VIRMA: variants seen among roughly 807,000 people sequenced by gnomAD.
VIRMA encodes the protein protein virilizer homolog.
A neutral mutation model predicts 182.4 loss-of-function variants in VIRMA; 65 were observed. The observed-to-expected ratio is 0.36, with a 90% CI of 0.29 to 0.44. VIRMA has a LOEUF of 0.44. Among genes scored for constraint, VIRMA ranks in the 20% least tolerant of loss-of-function variants. The probability of loss-of-function intolerance (pLI) is 1.00; values close to 1 mark genes in which losing one functional copy is unlikely to be tolerated. For missense variants in VIRMA, 1,752 were observed against 2,158.1 expected, an observed-to-expected ratio of 0.81 and a Z score of 3.73; for synonymous variants, 709 against 743.1, an observed-to-expected ratio of 0.95 and a Z score of 0.75.
chr8:94,495,788 TGGTCACTGAGAGGTAAAG>T lies in VIRMA; in HGVS notation c.4469_4486del (p.Pro1490_Asp1495del). ...AGCTGAAAGTACTGGTTCTACATCC[TGGTCACTGAGAGGTAAAG>T]GGTCACCTGATGACTCCAGCATCTG... is the stretch of plus-strand genomic sequence containing the variant. On this transcript the variant is annotated inframe_deletion, in exon 19 of 24. Transcript: ENST00000297591. The T allele has an allele frequency of 6.2e-7, 1 of 1,614,024 alleles. No individual in the cohort carries two copies. Among genetic ancestry groups the T allele is most frequent in the Non-Finnish European group, 8.5e-7 (1 of 1,179,926 alleles).
In VIRMA at chr8:94,499,519, A is replaced by G. The variant is rs1447578389; in HGVS notation, c.4098-13T>C. On this transcript the variant is annotated splice_polypyrimidine_tract_variant and intron_variant, in intron 16 of 23. Coordinates refer to ENST00000297591, the MANE Select transcript of VIRMA (RefSeq NM_015496.5). ...TTTCCTTAAAGAACTGTAAATAAAG[A>G]AAATAAAGAGAAGATATTATCTTAA... The G allele has an allele frequency of 7.0e-7, 1 of 1,426,508 alleles. No individual in the cohort carries two copies. 88.4% of individuals were successfully genotyped at this position (1,426,508 alleles called of 1,614,324 possible).
intron 7 of VIRMA, among the ~76,000 whole-genome samples, chr8:94,528,860 C>T (rs1372047): frequency 0.68 from 102,693 of 152,066 alleles, 35,633 homozygotes; most frequent in East Asian, 0.83. Flanking sequence ...TTTAGGCTGG[C>T]TGGTTAAACA....
At chr8:94,504,271 T>C (rs1369161209) in intron 16 of VIRMA, among the ~76,000 whole-genome samples, 1 of 152,020 alleles carries the variant, frequency 6.6e-6, no homozygotes, top group South Asian at 2.1e-4. Context: ...AGGCCCTTGA[T>C]GATCTTTCTC....
At chr8:94,524,566 A>G (rs1463139458) in intron 8 of VIRMA, among the ~76,000 whole-genome samples, 10 of 151,990 alleles carry the variant, frequency 6.6e-5, no homozygotes, top group Admixed American at 5.9e-4. Context: ...CAGCCTCCCA[A>G]AGTGCTGGGA....
chr8:94,495,669 C>T (rs1813749476), intron 19 of VIRMA, 62 bp downstream of exon 19: 1 of 1,460,150 alleles, frequency 6.8e-7, no homozygotes, highest in Non-Finnish European at 9.4e-7. Context: ...TGCTGGCACC[C>T]CCTAGACTAC....
At chr8:94,500,232 T>C (rs967721705) in intron 16 of VIRMA, among the ~76,000 whole-genome samples, 25 of 151,814 alleles carry the variant, frequency 1.6e-4, no homozygotes, top group Non-Finnish European at 3.4e-4. Context: ...ATCCCGTCTC[T>C]ACTAAAAATA....
intron 7 of VIRMA, 74 bp from the exon 8 acceptor site, chr8:94,527,437 AAT>A (rs1815014286): frequency 1.1e-6 from 1 of 902,938 alleles, no homozygotes; most frequent in African/African-American, 1.7e-5. Flanking sequence ...TTGAACAAGA[AAT>A]AGTTTTAATA....
chr8:94,534,766 C>A, intron 5 of VIRMA, 73 bp downstream of exon 5: 1 of 1,529,304 alleles, frequency 6.5e-7, no homozygotes, highest in Non-Finnish European at 8.9e-7. Context: ...TAAAAGAGTG[C>A]TCTTCGAATT....
intron 2 of VIRMA, 78 bp from the exon 3 acceptor site, chr8:94,538,424 C>T: frequency 1.2e-6 from 1 of 855,176 alleles, no homozygotes; most frequent in East Asian, 2.5e-5. Flanking sequence ...ATAGTAAGTA[C>T]AAAGTTAAGA....
chr8:94,510,262 T>A (rs1814316663), intron 14 of VIRMA, among the ~76,000 whole-genome samples, 155 bp downstream of exon 14: 1 of 152,220 alleles, frequency 6.6e-6, no homozygotes, highest in African/African-American at 2.4e-5. Context: ...CAAGTATTCA[T>A]ATATTCATAT....
intron 1 of VIRMA, among the ~76,000 whole-genome samples, chr8:94,552,834 A>AT (rs1816046812): frequency 6.6e-6 from 1 of 152,200 alleles, no homozygotes; most frequent in Non-Finnish European, 1.5e-5. Flanking sequence ...TCTCATTCCT[A>AT]ATGTGTGAAA....
At chr8:94,536,806 C>G (rs999654605) in intron 4 of VIRMA, among the ~76,000 whole-genome samples, 2 of 152,126 alleles carry the variant, frequency 1.3e-5, no homozygotes, top group South Asian at 2.1e-4. Flanking sequence ...GGTGAAACCC[C>G]GTCCCTACTA....
At position 94,492,776 on chromosome 8, in the gene VIRMA, C is replaced by T. The variant is rs542315418; in HGVS notation, c.4684G>A (p.Asp1562Asn). The part of the protein sequence containing the change: ...LIELSEKCCS[D>N]FDLHSELERS... Reference sequence around the variant, plus strand: ...TCTAATTCTGAGTGCAAATCAAAGTCACTACAGCATTTTTCAGAGAGTTCA... The same window carrying T: ...TCTAATTCTGAGTGCAAATCAAAGTTACTACAGCATTTTTCAGAGAGTTCA... The change falls in exon 21 of 24, where the codon GAC (aspartate) becomes AAC (asparagine). Residue 1562 changes from aspartate to asparagine, a missense_variant. Around this residue, in one of 11 missense-constraint regions of VIRMA, gnomAD observed 777 missense variants for 920.6 expected, o/e 0.84. Coordinates refer to ENST00000297591, the MANE Select transcript of VIRMA (RefSeq NM_015496.5). 163 of 1,613,866 alleles carry T rather than the reference C, an allele frequency of 1.0e-4. No homozygotes were observed. The highest frequency in any genetic ancestry group is 7.9e-4 in the South Asian group (72 of 91,032).
chr8:94,504,547 T>C (rs1474241590), intron 16 of VIRMA, among the ~76,000 whole-genome samples: 1 of 152,144 alleles, frequency 6.6e-6, no homozygotes, highest in Non-Finnish European at 1.5e-5. Context: ...AGGAAACCAT[T>C]AGAAGGATTT....
chr8:94,542,036 T>C (rs1184470978), intron 2 of VIRMA, among the ~76,000 whole-genome samples: 3 of 152,176 alleles, frequency 2.0e-5, no homozygotes, highest in African/African-American at 7.2e-5. Context: ...CAATGGCAGC[T>C]AATTGCCGAA....
At chr8:94,536,705 C>T (rs374029001) in intron 4 of VIRMA, among the ~76,000 whole-genome samples, 4 of 152,100 alleles carry the variant, frequency 2.6e-5, no homozygotes, top group Admixed American at 1.3e-4. Flanking sequence ...CTGAGCTGGG[C>T]GCGGTGGCTC....
intron 16 of VIRMA, among the ~76,000 whole-genome samples, chr8:94,505,475 C>A: frequency 7.2e-6 from 1 of 139,714 alleles, no homozygotes; most frequent in East Asian, 2.6e-4. Flanking sequence ...TATATCATTT[C>A]TTTTTCTTTT....
At chr8:94,523,933 C>T (rs1015088052) in intron 8 of VIRMA, among the ~76,000 whole-genome samples, 4 of 151,976 alleles carry the variant, frequency 2.6e-5, no homozygotes, top group African/African-American at 7.3e-5. Flanking sequence ...GCTGGGTTTA[C>T]GGGCACATTC....
chr8:94,538,406 C>G, intron 2 of VIRMA, 60 bp from the exon 3 acceptor site: 17 of 1,004,998 alleles, frequency 1.7e-5, no homozygotes, highest in Non-Finnish European at 2.7e-5. Flanking sequence ...TAAATTAAAA[C>G]AAATAACATA....
Sources: allele counts gnomAD v4.1 joint callset (sites outside exome capture counted in the v4.1 genomes callset), GRCh38; gene constraint gnomAD v4.1.1; regional missense constraint gnomAD v4.1.1; transcripts MANE v1.5; gene names NCBI Gene and HGNC (gene_info 2026-07-23, HGNC 2026-07-21).